Variants in EXOC4 observed in about 807,000 individuals in gnomAD.
EXOC4 encodes the protein SEC8-like 1.
Under a neutral mutation model 107.2 loss-of-function variants are expected in EXOC4, and 71 were observed. That is an observed-to-expected ratio of 0.66 (90% CI 0.55 to 0.81). EXOC4 has a LOEUF of 0.81. Among genes scored for constraint, EXOC4 ranks in the 30% least tolerant of loss-of-function variants. The pLI, the probability that EXOC4 is intolerant of heterozygous loss-of-function variation, is 0.00. For synonymous variants in EXOC4, 456 were observed against 441.2 expected, an observed-to-expected ratio of 1.03 and a Z score of -0.42; for missense variants, 1,108 against 1,189.6, an observed-to-expected ratio of 0.93 and a Z score of 1.01.
At chr7:133,376,204 C>T (rs1421367356) in intron 7 of EXOC4, among the ~76,000 whole-genome samples, 1 of 152,040 alleles carries the variant, frequency 6.6e-6, no homozygotes, top group Non-Finnish European at 1.5e-5. Flanking sequence ...ATATGCTTTA[C>T]TGGTGGTTCA....
rs147075695 is a variant in EXOC4, at chr7:133,443,437, G to A, written c.1183-31891G>A. On this transcript the variant is annotated intron_variant, in intron 7 of 17. Transcript: ENST00000253861. ...TAGCCTTGGATGGAGTCAGAAATCA[G>A]CCTGTAGATCTGTGAAATGCCTAAT... 3.3e-5 allele frequency among the ~76,000 whole-genome samples: 5 copies of A among 152,244 alleles called. No individual in the cohort carries two copies. The East Asian group carries it at 9.7e-4, about 29-fold the overall frequency.
Position 133,261,053 on chromosome 7 carries a change from C to T in EXOC4, c.86+7866C>T, listed in dbSNP as rs78082495. ...AGATTATACTTTTCAATCTAAGATACAGAAGCTTATCTTCTTTATCTGGAA... is the reference window on the plus strand; with the variant it reads ...AGATTATACTTTTCAATCTAAGATATAGAAGCTTATCTTCTTTATCTGGAA... On this transcript the variant is annotated intron_variant, in intron 1 of 17. Coordinates refer to ENST00000253861, the MANE Select transcript of EXOC4 (RefSeq NM_021807.4). Among the ~76,000 whole-genome samples the T allele has an allele frequency of 6.6e-5, 10 of 152,246 alleles. No individual in the cohort carries two copies. In the East Asian group the frequency reaches 1.7e-3, roughly 26 times the overall value.
In EXOC4 at chr7:133,735,343, C is replaced by G. The variant is rs147117024; in HGVS notation, c.1515-81982C>G. Among the ~76,000 whole-genome samples, 319 of 146,788 alleles carry G rather than the reference C, an allele frequency of 2.2e-3. 2 individuals are homozygous for G. The highest frequency in any genetic ancestry group is 7.8e-3 in the African/African-American group (313 of 40,034). Reference sequence around the variant, plus strand: ...GCAGTGCTTTTTCTTTTTTATAAAGCAGCTGGGATCTGACTTTTAATCTTA... The same window carrying G: ...GCAGTGCTTTTTCTTTTTTATAAAGGAGCTGGGATCTGACTTTTAATCTTA... On this transcript the variant is annotated intron_variant, in intron 10 of 17. Transcript: ENST00000253861.
chr7:133,604,826 T>C (rs1401929205), intron 9 of EXOC4, among the ~76,000 whole-genome samples: 1 of 149,540 alleles, frequency 6.7e-6, no homozygotes, highest in Non-Finnish European at 1.5e-5. Flanking sequence ...CGGATTTAAG[T>C]GTTTCTCCTG....
rs1393413883 is a variant in EXOC4, at chr7:133,526,715, T to C, written c.1417+46577T>C. On this transcript the variant is annotated intron_variant, in intron 9 of 17. Transcript: ENST00000253861. ...AGCCGGGCGTAGTGGCTTTCGCCTA[T>C]AGTCCCAGCACTTTGGGAGGCTGAG... Among the ~76,000 whole-genome samples the C allele has an allele frequency of 2.0e-5, 3 of 152,210 alleles. 1 individual carries two copies. Among genetic ancestry groups the C allele is most frequent in the South Asian group, 4.1e-4 (2 of 4,828 alleles).
At chr7:133,554,496 A>T (rs1800655074) in intron 9 of EXOC4, among the ~76,000 whole-genome samples, 1 of 152,108 alleles carries the variant, frequency 6.6e-6, no homozygotes, top group African/African-American at 2.4e-5. Context: ...TATCTGCCTG[A>T]TCTGTGTTTC....
intron 9 of EXOC4, among the ~76,000 whole-genome samples, chr7:133,629,535 TTTG>T (rs1302650164): frequency 3.2e-5 from 4 of 124,620 alleles, no homozygotes; most frequent in Non-Finnish European, 5.2e-5. Flanking sequence ...TTTTGTTTTG[TTTG>T]TTTGTTTGTT....
At chr7:133,928,684 G>A (rs1461958590) in intron 13 of EXOC4, among the ~76,000 whole-genome samples, 1 of 152,114 alleles carries the variant, frequency 6.6e-6, no homozygotes, top group African/African-American at 2.4e-5. Flanking sequence ...ATAGTGTGGT[G>A]AGTGCTACTG....
At chr7:134,064,125 T>C (rs1796132030) in intron 17 of EXOC4, among the ~76,000 whole-genome samples, 166 bp from the exon 18 acceptor site, 1 of 152,140 alleles carries the variant, frequency 6.6e-6, no homozygotes, top group Non-Finnish European at 1.5e-5. Context: ...GGACAGAGCT[T>C]ATGGTTGTCC....
At chr7:133,432,290 A>T (rs1234006716) in intron 7 of EXOC4, among the ~76,000 whole-genome samples, 1 of 152,194 alleles carries the variant, frequency 6.6e-6, no homozygotes, top group African/African-American at 2.4e-5. Context: ...AATTAGTTAT[A>T]TAACTTTATT....
At chr7:133,467,081 T>C (rs1158698139) in intron 7 of EXOC4, among the ~76,000 whole-genome samples, 1 of 152,178 alleles carries the variant, frequency 6.6e-6, no homozygotes, top group Admixed American at 6.5e-5. Context: ...GTATTTCAAG[T>C]TCACGGGCGT....
intron 1 of EXOC4, among the ~76,000 whole-genome samples, chr7:133,274,500 C>T (rs1186857687): frequency 6.6e-6 from 1 of 152,224 alleles, no homozygotes; most frequent in East Asian, 1.9e-4. Flanking sequence ...GTTTTTCCTT[C>T]CATGGTTGTA....
chr7:133,994,757 T>TTGTGTG (rs68167254), intron 14 of EXOC4, among the ~76,000 whole-genome samples: 264 of 148,588 alleles, frequency 1.8e-3, no homozygotes, highest in African/African-American at 6.3e-3. Flanking sequence ...GTACAAGGTT[T>TTGTGTG]TGTGTGTGTG....
chr7:133,439,811 A>T (rs1217285744), intron 7 of EXOC4, among the ~76,000 whole-genome samples: 2 of 152,202 alleles, frequency 1.3e-5, no homozygotes, highest in East Asian at 3.9e-4. Flanking sequence ...GACCCTTCCC[A>T]TGTTTTCCCT....
chr7:133,944,647 A>T (rs1354321485), intron 14 of EXOC4, among the ~76,000 whole-genome samples: 1 of 152,126 alleles, frequency 6.6e-6, no homozygotes, highest in Non-Finnish European at 1.5e-5. Context: ...TTTTTTTAAC[A>T]TGATAGAAGC....
intron 11 of EXOC4, among the ~76,000 whole-genome samples, chr7:133,864,246 G>A (rs1260821463): frequency 2.0e-5 from 3 of 152,172 alleles, no homozygotes; most frequent in Non-Finnish European, 4.4e-5. Context: ...TAATGCCTTT[G>A]TGTGTATCAT....
intron 3 of EXOC4, among the ~76,000 whole-genome samples, chr7:133,295,729 A>G (rs1794505284): frequency 2.6e-5 from 4 of 152,138 alleles, no homozygotes; most frequent in Admixed American, 2.6e-4. Context: ...CTTTATGCGC[A>G]AGGAATGGGT....
chr7:133,910,234 A>T (rs768360480), intron 12 of EXOC4, among the ~76,000 whole-genome samples: 1 of 152,172 alleles, frequency 6.6e-6, no homozygotes, highest in Non-Finnish European at 1.5e-5. Flanking sequence ...GACAGATTTT[A>T]TATGAATTCT....
At chr7:133,297,432 T>A (rs1794543932) in intron 3 of EXOC4, among the ~76,000 whole-genome samples, 1 of 152,158 alleles carries the variant, frequency 6.6e-6, no homozygotes, top group Non-Finnish European at 1.5e-5. Context: ...AATTTACAAG[T>A]GGTGACTATG....
Sources: gnomAD v4.1 joint callset for allele counts (sites outside exome capture counted in the v4.1 genomes callset) on GRCh38, gnomAD v4.1.1 for gene constraint, MANE v1.5 for transcripts, NCBI Gene and HGNC (gene_info 2026-07-23, HGNC 2026-07-21) for gene names.